The following CFAP54 variants were observed in gnomAD, a reference collection of about 807,000 sequenced individuals.
The protein encoded by CFAP54 is cilia and flagella associated protein 54, also known as cilia- and flagella-associated protein 54.
A neutral mutation model predicts 370.4 loss-of-function variants in CFAP54; 290 were observed. The ratio of observed to expected loss-of-function variants is 0.78; its 90% confidence interval spans 0.71 to 0.86. The LOEUF is 0.86. Ranked by LOEUF, CFAP54 falls within the 40% of genes least tolerant of loss-of-function variation. CFAP54 has a pLI of 0.00. For synonymous variants in CFAP54, 1,206 were observed against 1,236.5 expected, an observed-to-expected ratio of 0.98 and a Z score of 0.52; for missense variants, 3,399 against 3,528.7, an observed-to-expected ratio of 0.96 and a Z score of 0.93.
chr12:96,641,267 G>T (rs1956724769), intron 32 of CFAP54, among the ~76,000 whole-genome samples: 1 of 152,124 alleles, frequency 6.6e-6, no homozygotes, highest in Non-Finnish European at 1.5e-5. Context: ...AGTGGGCAAA[G>T]GATATGAACA....
At chr12:96,676,165 A>G (rs1454291078) in intron 39 of CFAP54, among the ~76,000 whole-genome samples, 2 of 152,152 alleles carry the variant, frequency 1.3e-5, no homozygotes, top group Admixed American at 1.3e-4. Context: ...GCTCTGTGCT[A>G]GACACTCTGC....
intron 26 of CFAP54, among the ~76,000 whole-genome samples, chr12:96,613,127 C>A (rs528570447): frequency 6.6e-6 from 1 of 152,174 alleles, no homozygotes; most frequent in Non-Finnish European, 1.5e-5. Flanking sequence ...GGAAGTAAAG[C>A]ACTCCTTAGC....
chr12:96,660,969 A>G (rs1192095055), intron 38 of CFAP54, among the ~76,000 whole-genome samples: 1 of 152,176 alleles, frequency 6.6e-6, no homozygotes, highest in Admixed American at 6.5e-5. Flanking sequence ...GAAGAGATAC[A>G]TAGGGTGAGG....
chr12:96,755,736 C>T lies in CFAP54; in HGVS notation c.7841-722C>T, dbSNP rs1030458882. Among the ~76,000 whole-genome samples, 33 of 144,482 alleles carry T rather than the reference C, an allele frequency of 2.3e-4. No individual in the cohort carries two copies. The Admixed American group carries it at 2.4e-3, about 11-fold the overall frequency. The allele number at this position is 144,482 out of a possible 152,430, so 94.8% of individuals were successfully genotyped here. ...AGGCTGGAGTGCAGTGGTGTGATCT[C>T]GGCTCACTGCAACCTCCACCTCCCA... On this transcript the variant is annotated intron_variant, in intron 56 of 67. Transcript: ENST00000524981.
intron 66 of CFAP54, among the ~76,000 whole-genome samples, chr12:96,840,251 T>C (rs897871753): frequency 6.6e-6 from 1 of 152,224 alleles, no homozygotes; most frequent in Non-Finnish European, 1.5e-5. Flanking sequence ...GAGGATAAAC[T>C]AGGTGGATTC....
At chr12:96,659,304 T>C (rs952593412) in intron 38 of CFAP54, among the ~76,000 whole-genome samples, 1 of 152,114 alleles carries the variant, frequency 6.6e-6, no homozygotes, top group Non-Finnish European at 1.5e-5. Context: ...CGGCTAATTT[T>C]TGTATTTTTA....
At chr12:96,755,824 T>C (rs1958250848) in intron 56 of CFAP54, among the ~76,000 whole-genome samples, 1 of 151,804 alleles carries the variant, frequency 6.6e-6, no homozygotes, top group Non-Finnish European at 1.5e-5. Context: ...CGCACCACCA[T>C]GCCAGGCTAA....
intron 12 of CFAP54, among the ~76,000 whole-genome samples, chr12:96,537,015 A>ATTCAATTCAG (rs1171429812): frequency 1.3e-5 from 2 of 151,578 alleles, no homozygotes; most frequent in African/African-American, 4.9e-5. Flanking sequence ...ATTCAATTCA[A>ATTCAATTCAG]TAAACACTTA....
chr12:96,718,362 A>G, intron 48 of CFAP54, 81 bp from the exon 49 acceptor site: 2 of 747,476 alleles, frequency 2.7e-6, no homozygotes, highest in Non-Finnish European at 4.7e-6. Flanking sequence ...CTGTCTCAAA[A>G]TAAAATAAAA....
At chr12:96,638,073 A>G (rs181067255) in intron 32 of CFAP54, among the ~76,000 whole-genome samples, 2 of 152,198 alleles carry the variant, frequency 1.3e-5, no homozygotes, top group Admixed American at 6.6e-5. Flanking sequence ...AGTGACACAC[A>G]CTGTACAATG....
At chr12:96,598,791 G>T (rs1191965235) in intron 26 of CFAP54, 24 bp downstream of exon 26, 5 of 554,474 alleles carry the variant, frequency 9.0e-6, no homozygotes, top group Non-Finnish European at 1.6e-5. Context: ...TCTTTATCTA[G>T]TATTATAATA....
intron 50 of CFAP54, among the ~76,000 whole-genome samples, chr12:96,722,524 G>C (rs1468748945): frequency 6.6e-6 from 1 of 152,186 alleles, no homozygotes; most frequent in Admixed American, 6.5e-5. Flanking sequence ...AGAGGTAACT[G>C]GTGGACAAGG....
intron 17 of CFAP54, among the ~76,000 whole-genome samples, chr12:96,555,678 G>T (rs1565895390): frequency 6.6e-6 from 1 of 151,046 alleles, no homozygotes; most frequent in Non-Finnish European, 1.5e-5. Flanking sequence ...GGTACCAAGG[G>T]TTTCAATCTA....
Position 96,648,028 on chromosome 12 carries a change from C to T in CFAP54, c.4690+11C>T. On this transcript the variant is annotated intron_variant, in intron 34 of 67. Coordinates refer to ENST00000524981, the MANE Select transcript of CFAP54 (RefSeq NM_001306084.2). ...CCAACTTACCATCAGGTAAAATAAA[C>T]ATGTTAGTTTATTATTAAATTACCT... The T allele has an allele frequency of 6.7e-7, 1 of 1,491,338 alleles. No homozygotes were observed. The highest frequency in any genetic ancestry group is 8.8e-7 in the Non-Finnish European group (1 of 1,131,106). The allele number at this position is 1,491,338 out of a possible 1,614,324, so 92.4% of individuals were successfully genotyped here. A position where few individuals can be genotyped will look rare whatever the true frequency, so the allele number is the denominator to read the frequency against.
rs568894014 is a variant in CFAP54, at chr12:96,554,923, T to A, written c.2410+121T>A. 6.6e-6 allele frequency: 6 copies of A among 909,722 alleles called. No homozygotes were observed. The Admixed American group carries it at 2.3e-4, about 35-fold the overall frequency. 56.4% of individuals were successfully genotyped at this position (909,722 alleles called of 1,614,324 possible). A position where few individuals can be genotyped will look rare whatever the true frequency, so the allele number is the denominator to read the frequency against. On this transcript the variant is annotated intron_variant, in intron 17 of 67. Coordinates refer to ENST00000524981, the MANE Select transcript of CFAP54 (RefSeq NM_001306084.2). ...TTAAGTTTTCAGATAAATTTCATTT[T>A]TTTCTACTTCCCTAATTAATATCAA... is the stretch of plus-strand genomic sequence containing the variant.
rs190651065 is a variant in CFAP54 at position 96,867,548 on chromosome 12, C to T, written c.*14+6596C>T. Reference sequence around the variant, plus strand: ...ATGGCTAAATAAAATGTGGGATGTGCGTGTATATGTAATGAAATATTATTC... The same window carrying T: ...ATGGCTAAATAAAATGTGGGATGTGTGTGTATATGTAATGAAATATTATTC... On this transcript the variant is annotated intron_variant, in intron 67 of 67. Coordinates refer to ENST00000524981, the MANE Select transcript of CFAP54 (RefSeq NM_001306084.2). Among the ~76,000 whole-genome samples the T allele has an allele frequency of 3.5e-3, 539 of 152,174 alleles. 15 individuals carry two copies. Among genetic ancestry groups the T allele is most frequent in the Admixed American group, 0.033 (499 of 15,288 alleles).
intron 63 of CFAP54, among the ~76,000 whole-genome samples, chr12:96,809,589 C>A (rs1958911391): frequency 6.6e-6 from 1 of 152,098 alleles, no homozygotes; most frequent in South Asian, 2.1e-4. Flanking sequence ...TTCTCCTGAT[C>A]TTTGTCTTAT....
At chr12:96,649,202 G>C (rs1032438334) in intron 34 of CFAP54, among the ~76,000 whole-genome samples, 1 of 152,174 alleles carries the variant, frequency 6.6e-6, no homozygotes, top group Non-Finnish European at 1.5e-5. Flanking sequence ...CTAGGATATA[G>C]ATTAGATTTC....
At chr12:96,730,001 A>C (rs190943296) in intron 50 of CFAP54, among the ~76,000 whole-genome samples, 40 of 152,322 alleles carry the variant, frequency 2.6e-4, no homozygotes, top group African/African-American at 9.1e-4. Context: ...ATTGGCACAC[A>C]GTCGAGTAGG....
Sources: allele counts gnomAD v4.1 joint callset (sites outside exome capture counted in the v4.1 genomes callset), GRCh38; gene constraint gnomAD v4.1.1; transcripts MANE v1.5; gene names NCBI Gene and HGNC (gene_info 2026-07-23, HGNC 2026-07-21).